HELZ: variants seen among roughly 807,000 people sequenced by gnomAD.
HELZ encodes the protein helicase with zinc finger.
In HELZ, 23 loss-of-function variants were observed where a neutral mutation model predicts 218.2. The observed-to-expected ratio is 0.11, with a 90% confidence interval of 0.08 to 0.15. HELZ has a LOEUF of 0.15. Among genes scored for constraint, HELZ ranks in the 10% least tolerant of loss-of-function variants. The pLI, the probability that HELZ is intolerant of heterozygous loss-of-function variation, is 1.00. For missense variants in HELZ, 1,813 were observed against 2,353.7 expected (o/e 0.77, Z 4.75); for synonymous variants, 814 against 829.4 (o/e 0.98, Z 0.32).
At chr17:67,232,639 C>G (rs1052922977) in intron 3 of HELZ, among the ~76,000 whole-genome samples, 9 of 152,190 alleles carry the variant, frequency 5.9e-5, no homozygotes, top group Admixed American at 2.6e-4. Context: ...AACTTTTTGA[C>G]TCTTCTTACT....
chr17:67,193,955 A>C lies in HELZ; in HGVS notation c.557+12T>G. ...ACATGTCATTGTTTAAAAACAAAAA[A>C]ATTCACATTACCTTTTACACAAAGT... On this transcript the variant is annotated intron_variant, in intron 9 of 32. Coordinates refer to ENST00000358691, the MANE Select transcript of HELZ (RefSeq NM_014877.4). The C allele has an allele frequency of 6.2e-7, 1 of 1,609,914 alleles. No homozygotes were observed. The highest frequency in any genetic ancestry group is 8.5e-7 in the Non-Finnish European group (1 of 1,177,206).
At chr17:67,230,807 AAC>A (rs979473608) in intron 3 of HELZ, among the ~76,000 whole-genome samples, 2 of 152,152 alleles carry the variant, frequency 1.3e-5, no homozygotes, top group African/African-American at 4.8e-5. Context: ...TCAATTTACC[AAC>A]AGATTATGTT....
intron 3 of HELZ, among the ~76,000 whole-genome samples, chr17:67,232,517 GAAGACTT>G (rs530398736): frequency 2.1e-3 from 317 of 152,262 alleles, no homozygotes; most frequent in Admixed American, 5.4e-3. Flanking sequence ...CTTAGTCCCA[GAAGACTT>G]AAGTTAATTC....
chr17:67,206,225 C>T (rs1056018233), intron 5 of HELZ, among the ~76,000 whole-genome samples: 68 of 152,308 alleles, frequency 4.5e-4, no homozygotes, highest in African/African-American at 1.4e-3. Context: ...GTGTACTGTG[C>T]GCACACAACT....
chr17:67,216,842 T>C (rs1450324917), intron 4 of HELZ, among the ~76,000 whole-genome samples: 1 of 152,162 alleles, frequency 6.6e-6, no homozygotes, highest in Admixed American at 6.5e-5. Flanking sequence ...TTCACGCGGC[T>C]ACCAGGACTC....
chr17:67,113,613 T>TG (rs1424146042), intron 28 of HELZ, among the ~76,000 whole-genome samples: 1 of 152,096 alleles, frequency 6.6e-6, no homozygotes, highest in Non-Finnish European at 1.5e-5. Flanking sequence ...GAAGTAAGGG[T>TG]GCTCAGGGCT....
upstream of HELZ, chr17:67,245,926 C>G (rs2041470937): frequency 1.3e-5 from 2 of 152,148 alleles, no homozygotes; most frequent in Admixed American, 1.3e-4. Context: ...TCCGCGGAGC[C>G]ACCCTGGGAG....
At chr17:67,221,713 A>G (rs755125319) in intron 3 of HELZ, among the ~76,000 whole-genome samples, 2 of 152,240 alleles carry the variant, frequency 1.3e-5, no homozygotes, top group African/African-American at 2.4e-5. Flanking sequence ...GTGAAATAAT[A>G]CCTATAAAGT....
intron 5 of HELZ, among the ~76,000 whole-genome samples, chr17:67,211,804 T>G (rs1190657913): frequency 6.6e-6 from 1 of 151,838 alleles, no homozygotes; most frequent in Non-Finnish European, 1.5e-5. Flanking sequence ...GAGGTTGCAG[T>G]GAGCCAAGAT....
chr17:67,217,791 G>T (rs1026160750), intron 4 of HELZ, among the ~76,000 whole-genome samples: 6 of 151,984 alleles, frequency 3.9e-5, no homozygotes, highest in Non-Finnish European at 8.8e-5. Context: ...GGCCTGCCTT[G>T]ACCACTCTAT....
chr17:67,191,209 T>G (rs1374922755), intron 9 of HELZ, among the ~76,000 whole-genome samples: 1 of 152,244 alleles, frequency 6.6e-6, no homozygotes, highest in Non-Finnish European at 1.5e-5. Context: ...TTTTACTCTT[T>G]TCTACATTAC....
chr17:67,151,182 A>G lies in HELZ; in HGVS notation c.2220T>C (p.Val740=). The change falls in exon 18 of 33, where the codon GTT becomes GTC. Residue 740 remains valine (V), a synonymous_variant. Transcript: ENST00000358691. ...RNRWVKTVHP[V]VHQYCLISSA... is the part of the protein sequence containing the mutation. ...TTGAGATCAAACAGTACTGATGCAC[A>G]ACTGGGTGGACAGTCTTTACCCAGC... The G allele has an allele frequency of 6.2e-7, 1 of 1,613,780 alleles. No homozygotes were observed. Among genetic ancestry groups the G allele is most frequent in the Non-Finnish European group, 8.5e-7 (1 of 1,179,786 alleles).
Position 67,074,989 on chromosome 17 carries a change from A to G in HELZ, c.*3263T>C, listed in dbSNP as rs553281395. ...TAGTTTAAATGGTCAATAATTAACT[A>G]CTGATTAATCAAAAACAAAGTTCTG... On this transcript the variant is annotated 3_prime_UTR_variant, in exon 33 of 33. Transcript: ENST00000358691. The G allele has an allele frequency of 6.6e-6, 1 of 152,192 alleles. No individual in the cohort carries two copies. Among genetic ancestry groups the G allele is most frequent in the Non-Finnish European group, 1.5e-5 (1 of 68,012 alleles). The allele number at this position is 152,192 out of a possible 1,614,324, so 9.4% of individuals were successfully genotyped here.
intron 3 of HELZ, among the ~76,000 whole-genome samples, chr17:67,223,437 C>G (rs2040804981): frequency 6.6e-6 from 1 of 151,858 alleles, no homozygotes; most frequent in Non-Finnish European, 1.5e-5. Flanking sequence ...TGTCTTGACT[C>G]TTTCTCTTCC....
chr17:67,171,173 A>G (rs1329633555), intron 13 of HELZ, among the ~76,000 whole-genome samples: 1 of 151,980 alleles, frequency 6.6e-6, no homozygotes, highest in African/African-American at 2.4e-5. Context: ...CTAAGCACCA[A>G]CTATTTTCTA....
rs201755404 is a variant in HELZ, at chr17:67,087,183, G to A, written c.5242-102C>T. 4.0e-5 allele frequency: 44 copies of A among 1,100,774 alleles called. No individual in the cohort carries two copies. The East Asian group carries it at 8.2e-4, about 21-fold the overall frequency. 68.2% of individuals were successfully genotyped at this position (1,100,774 alleles called of 1,614,324 possible). On this transcript the variant is annotated intron_variant, in intron 31 of 32. Coordinates refer to ENST00000358691, the MANE Select transcript of HELZ (RefSeq NM_014877.4). ...TATCTCACTATATAAAGTAAAAATT[G>A]TCAAGAATATACTGTGACTGTGAAA...
chr17:67,244,670 G>A, intron 1 of HELZ: 1 of 978,700 alleles, frequency 1.0e-6, no homozygotes, highest in Non-Finnish European at 1.2e-6. Context: ...TTTTCCCCAC[G>A]CCCCCGCTCC....
rs2039821881 is a variant in HELZ at position 67,188,724 on chromosome 17, C to T, written c.865-108G>A. On this transcript the variant is annotated intron_variant, in intron 11 of 32. Transcript: ENST00000358691. The surrounding 1 kb of genome is among the most constrained non-coding windows in gnomAD (Gnocchi z 4.1). ...CATAAGGGACTTTTACTTCCCCAAGCTTCTAAGATACTATAGCCATTTAAG... is the reference window on the plus strand; with the variant it reads ...CATAAGGGACTTTTACTTCCCCAAGTTTCTAAGATACTATAGCCATTTAAG... The T allele has an allele frequency of 1.2e-6, 1 of 826,152 alleles. No individual in the cohort carries two copies. The highest frequency in any genetic ancestry group is 1.9e-6 in the Non-Finnish European group (1 of 530,056). The allele number at this position is 826,152 out of a possible 1,614,324, so 51.2% of individuals were successfully genotyped here.
At chr17:67,131,857 T>C (rs748679724) in intron 23 of HELZ, among the ~76,000 whole-genome samples, 17 of 152,158 alleles carry the variant, frequency 1.1e-4, no homozygotes, top group Non-Finnish European at 2.2e-4. Flanking sequence ...ACACTGGCCC[T>C]TGAACTCCCC....
Sources: gnomAD v4.1 joint callset for allele counts (sites outside exome capture counted in the v4.1 genomes callset) on GRCh38, gnomAD v4.1.1 for gene constraint, Gnocchi (gnomAD v3.1) non-coding constraint, MANE v1.5 for transcripts, NCBI Gene and HGNC (gene_info 2026-07-23, HGNC 2026-07-21) for gene names.